Variants in PSD3 observed in about 807,000 individuals in gnomAD.
PSD3 encodes PH and SEC7 domain-containing protein 3.
Under a neutral mutation model 105.5 loss-of-function variants are expected in PSD3, and 49 were observed. The ratio of observed to expected loss-of-function variants is 0.46; its 90% CI spans 0.37 to 0.59. The LOEUF (loss-of-function observed/expected upper bound fraction) is 0.59. Ranked by LOEUF, PSD3 falls within the 20% of genes least tolerant of loss-of-function variation. PSD3 has a pLI of 0.00. For missense variants in PSD3, 1,561 were observed against 1,263.8 expected (o/e 1.24, Z -3.57); for synonymous variants, 557 against 457.8 (o/e 1.22, Z -2.77).
chr8:18,907,821 T>C (rs966728623), intron 2 of PSD3, among the ~76,000 whole-genome samples: 2 of 152,248 alleles, frequency 1.3e-5, no homozygotes, highest in Non-Finnish European at 2.9e-5. Context: ...GTAACATTAA[T>C]GATACATAGT....
chr8:19,022,529 G>T (rs1295075718), intron 1 of PSD3, among the ~76,000 whole-genome samples: 1 of 152,186 alleles, frequency 6.6e-6, no homozygotes, highest in Non-Finnish European at 1.5e-5. Context: ...CATAGCAAGG[G>T]CTTCCCTAGT....
chr8:18,748,386 C>A (rs1269279356), intron 9 of PSD3, among the ~76,000 whole-genome samples: 2 of 152,010 alleles, frequency 1.3e-5, no homozygotes, highest in Non-Finnish European at 2.9e-5. Context: ...CCAGGCTGGG[C>A]GCGATGGCTC....
chr8:18,651,334 C>G (rs1262816772), intron 10 of PSD3, among the ~76,000 whole-genome samples: 1 of 152,212 alleles, frequency 6.6e-6, no homozygotes, highest in Non-Finnish European at 1.5e-5. Context: ...ATAATTCTAT[C>G]GTGATTTCCT....
chr8:18,808,214 C>A (rs1811369490), intron 4 of PSD3, among the ~76,000 whole-genome samples: 1 of 152,142 alleles, frequency 6.6e-6, no homozygotes, highest in Non-Finnish European at 1.5e-5. Context: ...AGTTGTGTTT[C>A]CATGTGTGCT....
chr8:18,903,519 A>G (rs1021116574), intron 2 of PSD3, among the ~76,000 whole-genome samples: 5 of 152,138 alleles, frequency 3.3e-5, no homozygotes, highest in African/African-American at 1.2e-4. Context: ...TAGGGCCTAG[A>G]CCAGCTCCAC....
chr8:18,888,766 G>C (rs912974778), intron 2 of PSD3, among the ~76,000 whole-genome samples: 13 of 152,194 alleles, frequency 8.5e-5, no homozygotes, highest in Admixed American at 6.5e-4. Flanking sequence ...ACCAGTCCGT[G>C]AATCACCAAT....
chr8:18,917,709 C>T (rs1048917345), intron 2 of PSD3, among the ~76,000 whole-genome samples: 1 of 152,090 alleles, frequency 6.6e-6, no homozygotes, highest in Non-Finnish European at 1.5e-5. Flanking sequence ...CCCAACCCTG[C>T]CCCTTGCATT....
intron 1 of PSD3, among the ~76,000 whole-genome samples, chr8:19,052,274 T>C (rs897775863): frequency 2.6e-5 from 4 of 151,916 alleles, no homozygotes; most frequent in Non-Finnish European, 5.9e-5. Flanking sequence ...GAGATTGAGA[T>C]CATTCTGACT....
chr8:18,994,505 C>T (rs970030989), intron 1 of PSD3, among the ~76,000 whole-genome samples: 2 of 152,028 alleles, frequency 1.3e-5, no homozygotes, highest in African/African-American at 2.4e-5. Flanking sequence ...TGCATATACA[C>T]CTGTGCTGTC....
rs148622759 is a variant in PSD3, at chr8:19,020,549, T to C, written c.324+63657A>G. 4.3e-3 allele frequency among the ~76,000 whole-genome samples: 660 copies of C among 152,128 alleles called. 3 individuals are homozygous for C. The highest frequency in any genetic ancestry group is 0.015 in the African/African-American group (634 of 41,492). Reference sequence around the variant, plus strand: ...TTGTTGTAAAGACCCTTAACTGCCCTTGGTAGATTTTGAGCAGAGGGGTAG... The same window carrying C: ...TTGTTGTAAAGACCCTTAACTGCCCCTGGTAGATTTTGAGCAGAGGGGTAG... On this transcript the variant is annotated intron_variant, in intron 1 of 1. Transcript: ENST00000521475.
chr8:18,955,787 A>C (rs1823531558), intron 1 of PSD3, among the ~76,000 whole-genome samples: 1 of 128,760 alleles, frequency 7.8e-6, no homozygotes, highest in Non-Finnish European at 1.7e-5. Flanking sequence ...TTTTATTTTT[A>C]AGACGGAGTC....
At chr8:19,068,505 G>T (rs1264390613) in intron 1 of PSD3, among the ~76,000 whole-genome samples, 1 of 152,066 alleles carries the variant, frequency 6.6e-6, no homozygotes, top group African/African-American at 2.4e-5. Context: ...TGTCTAAGCT[G>T]GTCTTGAAGT....
At chr8:18,752,610 TACATATA>T (rs1805676009) in intron 9 of PSD3, among the ~76,000 whole-genome samples, 2 of 71,158 alleles carry the variant, frequency 2.8e-5, no homozygotes, top group Non-Finnish European at 4.8e-5. Flanking sequence ...TTATATATAA[TACATATA>T]ATATATATTA....
intron 1 of PSD3, among the ~76,000 whole-genome samples, chr8:18,953,831 C>T (rs757800698): frequency 1.8e-4 from 27 of 151,964 alleles, no homozygotes; most frequent in Admixed American, 1.6e-3. Flanking sequence ...GAGGTAAACT[C>T]GCATATACTG....
intron 15 of PSD3, among the ~76,000 whole-genome samples, chr8:18,544,809 T>C (rs1220042483): frequency 6.6e-6 from 1 of 152,194 alleles, no homozygotes; most frequent in African/African-American, 2.4e-5. Flanking sequence ...CATAGGAATC[T>C]GCTCTTGACT....
chr8:18,877,539 C>CTTTTTTTTTTTTTTTTT (rs61667418), intron 2 of PSD3, among the ~76,000 whole-genome samples: 3 of 138,134 alleles, frequency 2.2e-5, no homozygotes, highest in Non-Finnish European at 3.1e-5. Context: ...AGATGCCTAT[C>CTTTTTTTTTTTTTTTTT]TTTTTTTTTT....
intron 4 of PSD3, among the ~76,000 whole-genome samples, chr8:18,813,150 G>A (rs1018938831): frequency 6.6e-6 from 1 of 152,190 alleles, no homozygotes; most frequent in Non-Finnish European, 1.5e-5. Context: ...AGTGGCTTGA[G>A]ATGTGCATGG....
chr8:19,014,153 G>C (rs1184465147), upstream of PSD3: 1 of 152,432 alleles, frequency 6.6e-6, no homozygotes, highest in Non-Finnish European at 1.5e-5. The surrounding 1 kb of genome is among the most constrained non-coding windows in gnomAD (Gnocchi z 4.9). Context: ...GAAGGGCCGT[G>C]TGACTGGAGC....
At chr8:18,567,686 A>G (rs1386505721) in intron 14 of PSD3, among the ~76,000 whole-genome samples, 1 of 152,190 alleles carries the variant, frequency 6.6e-6, no homozygotes, top group Non-Finnish European at 1.5e-5. Context: ...TTTTATAACT[A>G]TGGCAACACT....
Sources: allele counts gnomAD v4.1 joint callset (sites outside exome capture counted in the v4.1 genomes callset), GRCh38; gene constraint gnomAD v4.1.1; non-coding constraint Gnocchi (gnomAD v3.1); transcripts MANE v1.5; gene names NCBI Gene and HGNC (gene_info 2026-07-23, HGNC 2026-07-21).